CPNE7: variants seen among roughly 807,000 people sequenced by gnomAD.
CPNE7 encodes the protein copine-7.
In CPNE7, 78 loss-of-function variants were observed where a neutral mutation model predicts 66.5. The ratio of observed to expected loss-of-function variants is 1.17; its 90% CI spans 0.98 to 1.42. The LOEUF (loss-of-function observed/expected upper bound fraction) is 1.42, where lower values mean the gene tolerates loss of function less well. Ranked by LOEUF, CPNE7 falls within the 40% of genes most tolerant of loss-of-function variation. The pLI is 0.00. For missense variants in CPNE7, 1,012 were observed against 776.6 expected (o/e 1.30, Z -3.60); for synonymous variants, 468 against 336.7 (o/e 1.39, Z -4.27).
In CPNE7 at chr16:89,586,691, C is replaced by A. The variant is rs1164863667; in HGVS notation, c.802C>A (p.Pro268Thr). 15 of 1,612,528 alleles carry A rather than the reference C, an allele frequency of 9.3e-6. No individual in the cohort carries two copies. The highest frequency in any genetic ancestry group is 1.3e-5 in the Non-Finnish European group (15 of 1,179,612). ...CCAGGCCCAGTGGGACTGTGTGAAC[C>A]CCAAATACAAGCAGAAGAGACGCAG... ...EGQAQWDCVN[P>T]KYKQKRRSYK... is the part of the protein sequence containing the mutation. The change falls in exon 8 of 15, where the codon CCC becomes ACC. Residue 268 changes from proline to threonine, a missense_variant. Coordinates refer to ENST00000319518, the MANE Select transcript of CPNE7 (RefSeq NM_153636.3).
chr16:89,589,825 C>T (rs2059142128), intron 10 of CPNE7, 72 bp from the exon 11 acceptor site: 3 of 1,548,050 alleles, frequency 1.9e-6, no homozygotes, highest in South Asian at 1.1e-5. Context: ...CCAGTCATGT[C>T]TCCCTAGAAG....
At chr16:89,588,880 C>T in intron 10 of CPNE7, 72 bp downstream of exon 10, 12 of 1,575,996 alleles carry the variant, frequency 7.6e-6, no homozygotes, top group South Asian at 1.1e-5. Flanking sequence ...GCCGTCTTCC[C>T]CCTCACCCCC....
At chr16:89,591,348 A>C (rs1175490605) in intron 13 of CPNE7, 88 bp downstream of exon 13, 2 of 1,446,522 alleles carry the variant, frequency 1.4e-6, no homozygotes, top group Admixed American at 5.2e-5. Flanking sequence ...CACCTGGCAG[A>C]GGGAACAGCC....
intron 3 of CPNE7, 114 bp downstream of exon 3, chr16:89,583,885 G>A (rs964595049): frequency 4.8e-6 from 7 of 1,449,182 alleles, no homozygotes; most frequent in South Asian, 3.5e-5. Context: ...TGCAGGAGCC[G>A]GCAGCTACAC....
chr16:89,588,208 G>A (rs1411045453), intron 9 of CPNE7, among the ~76,000 whole-genome samples: 1 of 144,550 alleles, frequency 6.9e-6, no homozygotes, highest in Admixed American at 6.9e-5. Context: ...TGTCACCCGC[G>A]TGTCACCCAC....
In CPNE7 at chr16:89,592,010, G is replaced by T. The variant is rs569614033; in HGVS notation, c.1302+750G>T. On this transcript the variant is annotated intron_variant, in intron 13 of 14. Transcript: ENST00000319518. ...CACCGTGCCCGGCATTCTTTTTTTT[G>T]TTGTTTTTTTTTTTTGAGACGGAGT... 4.5e-3 allele frequency among the ~76,000 whole-genome samples: 505 copies of T among 112,016 alleles called. 13 individuals are homozygous for T. The highest frequency in any genetic ancestry group is 0.018 in the African/African-American group (455 of 25,506). The allele number at this position is 112,016 out of a possible 152,430, so 73.5% of individuals were successfully genotyped here. A position where few individuals can be genotyped will look rare whatever the true frequency, so the allele number is the denominator to read the frequency against.
intron 11 of CPNE7, among the ~76,000 whole-genome samples, chr16:89,590,751 G>A (rs1341939630): frequency 4.0e-5 from 4 of 99,468 alleles, no homozygotes; most frequent in African/African-American, 1.5e-4. Context: ...GGGCCAGGTC[G>A]GGGGAGCAGC....
Position 89,577,544 on chromosome 16 carries a change from C to T in CPNE7, c.180C>T (p.Gly60=). 6.4e-7 allele frequency: 1 copy of T among 1,551,300 alleles called. No individual in the cohort carries two copies. Among genetic ancestry groups the T allele is most frequent in the Non-Finnish European group, 8.7e-7 (1 of 1,146,872 alleles). Residue 60 remains glycine (G), a synonymous_variant, in exon 2 of 15, where the codon GGC becomes GGT. Transcript: ENST00000319518. ...QQAQGQWVQV[G]RTEVVRSSLH... ...GCTCACAGGTGCACTTGCAGGTGGG[C>T]AGAACCGAGGTGGTCCGGAGCAGCC...
rs562371046 is a variant in CPNE7, at chr16:89,585,481, G to A, written c.609G>A (p.Leu203=). Residue 203 remains leucine, a synonymous_variant, in exon 6 of 15, where the codon CTG becomes CTA. Coordinates refer to ENST00000319518, the MANE Select transcript of CPNE7 (RefSeq NM_153636.3). ...GCCCACAGGTGGTGAAGAACAACCTGAACCCGGTGTGGGAGGCCTTCAAAG... is the reference window on the plus strand; with the variant it reads ...GCCCACAGGTGGTGAAGAACAACCTAAACCCGGTGTGGGAGGCCTTCAAAG... ...VYRTEVVKNN[L]NPVWEAFKVS... 2 of 1,611,902 alleles carry A rather than the reference G, an allele frequency of 1.2e-6. No individual in the cohort carries two copies. The highest frequency in any genetic ancestry group is 1.7e-6 in the Non-Finnish European group (2 of 1,179,356).
chr16:89,588,579 G>A (rs1358822183), intron 9 of CPNE7, 96 bp from the exon 10 acceptor site: 11 of 1,519,214 alleles, frequency 7.2e-6, no homozygotes, highest in Non-Finnish European at 8.9e-6. Flanking sequence ...CCCTGACCCT[G>A]AGTCCTGGCC....
rs190636656 is a variant in CPNE7 at position 89,584,212 on chromosome 16, G to A, written c.507+110G>A. ...CGCGTGGCTATGTCCCGTGTGAGAC[G>A]TGTGCGGAGTGTGCCTGGGGCTGGG... On this transcript the variant is annotated intron_variant, in intron 4 of 14. Transcript: ENST00000319518. This position sits in a 1 kb window ranked among gnomAD's most constrained non-coding sequence, Gnocchi z 6.0. 2.0e-5 allele frequency: 21 copies of A among 1,057,918 alleles called. No homozygotes were observed. In the Admixed American group the frequency reaches 3.8e-4, roughly 19 times the overall value. 65.5% of individuals were successfully genotyped at this position (1,057,918 alleles called of 1,614,324 possible).
chr16:89,590,997 T>C lies in CPNE7; in HGVS notation c.1117-10T>C, dbSNP rs1276685339. 1 of 1,613,290 alleles carries C rather than the reference T, an allele frequency of 6.2e-7. No individual in the cohort carries two copies. The highest frequency in any genetic ancestry group is 8.5e-7 in the Non-Finnish European group (1 of 1,179,770). ...CGAGCAGCTGACTGAGCCCTCTTGTTCCCACCCAGGTGTCCCATGACTTTG... is the reference window on the plus strand; with the variant it reads ...CGAGCAGCTGACTGAGCCCTCTTGTCCCCACCCAGGTGTCCCATGACTTTG... On this transcript the variant is annotated splice_polypyrimidine_tract_variant and intron_variant, in intron 11 of 14. Coordinates refer to ENST00000319518, the MANE Select transcript of CPNE7 (RefSeq NM_153636.3).
chr16:89,576,754 G>A (rs1390666268), intron 1 of CPNE7, among the ~76,000 whole-genome samples: 1 of 152,190 alleles, frequency 6.6e-6, no homozygotes, highest in African/African-American at 2.4e-5. Context: ...CCCGGCGCAG[G>A]GGTCTCTCCA....
intron 10 of CPNE7, among the ~76,000 whole-genome samples, 199 bp downstream of exon 10, chr16:89,589,007 AG>A (rs2059130199): frequency 6.6e-6 from 1 of 152,096 alleles, no homozygotes; most frequent in African/African-American, 2.4e-5. Flanking sequence ...TCAGACTGTG[AG>A]GGGCCGGGCG....
intron 1 of CPNE7, 45 bp from the exon 2 acceptor site, chr16:89,577,494 G>T: frequency 6.5e-7 from 1 of 1,541,724 alleles, no homozygotes; most frequent in South Asian, 1.2e-5. Context: ...TGGAGCCCGG[G>T]GTGGAAGCCT....
rs1447197144 is a variant in CPNE7 at position 89,584,566 on chromosome 16, T to C, written c.508-208T>C. On this transcript the variant is annotated intron_variant, in intron 4 of 14. Transcript: ENST00000319518. The surrounding 1 kb of genome is among the most constrained non-coding windows in gnomAD (Gnocchi z 6.0). ...TCGCAGGGTGTGCAGGGTGACTCCA[T>C]GGAGGGCTGAGTTGCCCGCCGTGGT... 1.6e-5 allele frequency among the ~76,000 whole-genome samples: 2 copies of C among 127,410 alleles called. No individual in the cohort carries two copies. Among genetic ancestry groups the C allele is most frequent in the Non-Finnish European group, 3.3e-5 (2 of 61,450 alleles). The allele number at this position is 127,410 out of a possible 152,430, so 83.6% of individuals were successfully genotyped here.
chr16:89,595,920 C>G (rs1171829378), intron 14 of CPNE7: 1 of 554,292 alleles, frequency 1.8e-6, no homozygotes, highest in Non-Finnish European at 3.4e-6. Context: ...ACGCACAGCA[C>G]ACACGTGAGG....
chr16:89,581,310 A>AT, intron 2 of CPNE7, among the ~76,000 whole-genome samples: 1 of 121,584 alleles, frequency 8.2e-6, no homozygotes, highest in East Asian at 2.9e-4. Flanking sequence ...CCCGTCACCC[A>AT]TCACACGGAA....
rs376277946 is a variant in CPNE7, at chr16:89,586,713, G to A, written c.824G>A (p.Arg275His). ...AACCCCAAATACAAGCAGAAGAGACGCAGTTATAAGAACTCAGGAGTGGTC... is the reference window on the plus strand; with the variant it reads ...AACCCCAAATACAAGCAGAAGAGACACAGTTATAAGAACTCAGGAGTGGTC... ...CVNPKYKQKR[R>H]SYKNSGVVVL... Residue 275 changes from arginine to histidine, a missense_variant, in exon 8 of 15, where the codon CGC becomes CAC. Transcript: ENST00000319518. 1.1e-4 allele frequency: 174 copies of A among 1,612,582 alleles called. No homozygotes were observed. Among genetic ancestry groups the A allele is most frequent in the Non-Finnish European group, 1.4e-4 (161 of 1,179,680 alleles).
Sources: allele counts gnomAD v4.1 joint callset (sites outside exome capture counted in the v4.1 genomes callset), GRCh38; gene constraint gnomAD v4.1.1; non-coding constraint Gnocchi (gnomAD v3.1); transcripts MANE v1.5; gene names NCBI Gene and HGNC (gene_info 2026-07-23, HGNC 2026-07-21).